Variants in ROCK2 observed in about 807,000 individuals in gnomAD.
ROCK2 encodes rho-associated protein kinase 2.
A neutral mutation model predicts 195.1 loss-of-function variants in ROCK2; 61 were observed. That is an observed-to-expected ratio of 0.31 (90% CI 0.25 to 0.39). ROCK2 has a LOEUF of 0.39. Among genes scored for constraint, ROCK2 ranks in the 10% least tolerant of loss-of-function variants. The pLI is 1.00. For missense variants in ROCK2, 1,109 were observed against 1,637.4 expected (o/e 0.68, Z 5.57); for synonymous variants, 504 against 545.5 (o/e 0.92, Z 1.06).
intron 3 of ROCK2, among the ~76,000 whole-genome samples, chr2:11,252,407 T>C (rs1032384676): frequency 1.4e-5 from 2 of 147,556 alleles, no homozygotes; most frequent in Non-Finnish European, 3.0e-5. Flanking sequence ...AAAAAAAAGA[T>C]CTAGAACCAG....
intron 23 of ROCK2, among the ~76,000 whole-genome samples, chr2:11,200,645 C>G (rs897887694): frequency 6.6e-6 from 1 of 151,834 alleles, no homozygotes; most frequent in Admixed American, 6.6e-5. Context: ...ATTTTTATTG[C>G]AATTTTTTCA....
rs1388769739 is a variant in ROCK2, at chr2:11,303,572, C to T, written c.142-15836G>A. On this transcript the variant is annotated intron_variant, in intron 1 of 32. Transcript: ENST00000315872. ...TCTCGCCGCCTTCTCTACTTGATTA[C>T]TGCCATTGGCATGGAAACATGTTGT... Among the ~76,000 whole-genome samples the T allele has an allele frequency of 2.6e-5, 4 of 152,290 alleles. No individual in the cohort carries two copies. In the South Asian group the frequency reaches 8.3e-4, roughly 32 times the overall value.
chr2:11,262,912 A>G (rs1209557057), intron 3 of ROCK2, among the ~76,000 whole-genome samples: 1 of 152,194 alleles, frequency 6.6e-6, no homozygotes, highest in South Asian at 2.1e-4. Context: ...TATTATTTTT[A>G]TAAGAAGATC....
chr2:11,194,788 T>A (rs1196851399), intron 28 of ROCK2, among the ~76,000 whole-genome samples, 167 bp downstream of exon 28: 4 of 140,756 alleles, frequency 2.8e-5, no homozygotes, highest in African/African-American at 5.0e-5. Context: ...AGGACAAAAA[T>A]TTTTTACAAA....
chr2:11,235,837 A>G lies in ROCK2; in HGVS notation c.588T>C (p.Ala196=). Residue 196 remains alanine, a synonymous_variant, in exon 5 of 33, where the codon GCT becomes GCC. Transcript: ENST00000315872. This position sits in a 1 kb window ranked among gnomAD's most constrained non-coding sequence, Gnocchi z 4.2. The stretch of plus-strand genomic sequence containing the variant: ...TTGCATCCAGAGCAAGAACAACTTC[A>G]GCAGTGTAAAATTTGGCCCATTTTT... The part of the protein sequence containing the change: ...VPEKWAKFYT[A]EVVLALDAIH... 6.2e-7 allele frequency: 1 copy of G among 1,614,066 alleles called. No homozygotes were observed.
At chr2:11,285,812 G>A (rs773923093) in intron 3 of ROCK2, among the ~76,000 whole-genome samples, 3 of 151,892 alleles carry the variant, frequency 2.0e-5, no homozygotes, top group Non-Finnish European at 2.9e-5. Flanking sequence ...CAGTGACAAA[G>A]CAAGACCCTG....
chr2:11,334,481 A>T (rs1236827880), intron 1 of ROCK2, among the ~76,000 whole-genome samples: 1 of 137,670 alleles, frequency 7.3e-6, no homozygotes, highest in African/African-American at 2.6e-5. Context: ...ACTGCACTCC[A>T]GGCTGGGCGA....
chr2:11,286,133 A>G (rs1376248542), intron 3 of ROCK2, among the ~76,000 whole-genome samples: 2 of 149,644 alleles, frequency 1.3e-5, no homozygotes, highest in Non-Finnish European at 1.5e-5. Context: ...TATAATTCCA[A>G]TTGGTACCAG....
At chr2:11,260,010 T>G (rs936558316) in intron 3 of ROCK2, among the ~76,000 whole-genome samples, 1 of 151,524 alleles carries the variant, frequency 6.6e-6, no homozygotes, top group Non-Finnish European at 1.5e-5. Context: ...AGGAATGAAT[T>G]ATCCTAGACT....
intron 20 of ROCK2, among the ~76,000 whole-genome samples, chr2:11,205,460 T>C (rs1339765908): frequency 6.6e-6 from 1 of 152,212 alleles, no homozygotes; most frequent in East Asian, 1.9e-4. Context: ...CTCATTCTTA[T>C]TTATTGTGGG....
chr2:11,322,913 A>G (rs1454720482), intron 1 of ROCK2, among the ~76,000 whole-genome samples: 3 of 152,162 alleles, frequency 2.0e-5, no homozygotes, highest in Admixed American at 6.5e-5. Context: ...TAAGTTCTTA[A>G]TCATTATCTC....
At chr2:11,241,336 T>C (rs1236138292) in intron 4 of ROCK2, among the ~76,000 whole-genome samples, 1 of 152,078 alleles carries the variant, frequency 6.6e-6, no homozygotes, top group African/African-American at 2.4e-5. Flanking sequence ...AGAGTATCAG[T>C]TACCTATGGG....
intron 3 of ROCK2, among the ~76,000 whole-genome samples, chr2:11,283,317 T>C (rs928160376): frequency 6.7e-6 from 1 of 149,034 alleles, no homozygotes; most frequent in African/African-American, 2.5e-5. Flanking sequence ...TCCCAGCACT[T>C]TGGGAGGCCG....
intron 3 of ROCK2, among the ~76,000 whole-genome samples, chr2:11,261,593 T>C (rs4669701): frequency 0.78 from 119,285 of 152,008 alleles, 48,675 homozygotes; most frequent in East Asian, 0.94. Context: ...CTGAGGCGGG[T>C]GGATCATGAG....
intron 5 of ROCK2, among the ~76,000 whole-genome samples, chr2:11,231,537 A>G (rs1019061786): frequency 2.6e-5 from 4 of 152,122 alleles, no homozygotes; most frequent in African/African-American, 9.7e-5. Flanking sequence ...ACTAACATAT[A>G]AAGTGGTCTT....
chr2:11,227,317 C>T lies in ROCK2; in HGVS notation c.805G>A (p.Gly269Ser), dbSNP rs772589940. Residue 269 changes from glycine (G) to serine (S), a missense_variant, in exon 6 of 33, where the codon GGT (glycine) becomes AGT (serine). Transcript: ENST00000315872. ...PEVLKSQGGDGFYGRECDWWS... is the reference protein window; with the variant it reads ...PEVLKSQGGDSFYGRECDWWS... ...CAATCACATTCTCGCCCATAGAAAC[C>T]ATCACCCCCTTGTGATTTCAGAACC... 9.3e-6 allele frequency: 15 copies of T among 1,613,894 alleles called. No individual in the cohort carries two copies. In the Middle Eastern group the frequency reaches 1.7e-3, roughly 178 times the overall value.
At chr2:11,215,165 T>C (rs974468977) in intron 15 of ROCK2, 79 bp from the exon 16 acceptor site, 9 of 1,539,844 alleles carry the variant, frequency 5.8e-6, no homozygotes, top group Non-Finnish European at 7.9e-6. Context: ...TATTCCCCCA[T>C]TAGAAACTAT....
Position 11,182,517 on chromosome 2 carries a change from AAT to A in ROCK2, c.*918_*919del. ...ACCATCCATTATTGTTTCTATAACC[AAT>A]AATACTTTAAAAACATTTGTTAATC... is the stretch of plus-strand genomic sequence containing the variant. On this transcript the variant is annotated 3_prime_UTR_variant, in exon 33 of 33. Coordinates refer to ENST00000315872, the MANE Select transcript of ROCK2 (RefSeq NM_004850.5). The A allele has an allele frequency of 6.6e-6, 1 of 152,392 alleles. No individual in the cohort carries two copies. Among genetic ancestry groups the A allele is most frequent in the Non-Finnish European group, 1.5e-5 (1 of 68,042 alleles). 9.4% of individuals were successfully genotyped at this position (152,392 alleles called of 1,614,324 possible). A position where few individuals can be genotyped will look rare whatever the true frequency, so the allele number is the denominator to read the frequency against.
Position 11,218,469 on chromosome 2 carries a change from A to G in ROCK2, c.1321-3T>C, listed in dbSNP as rs1664508435. 1.3e-6 allele frequency: 2 copies of G among 1,543,032 alleles called. No homozygotes were observed. The highest frequency in any genetic ancestry group is 1.4e-5 in the African/African-American group (1 of 72,754). ...CATCAACATACCTCTTGACTTTCCT[A>G]TTTAAAACAAAACAGAAAACACATT... On this transcript the variant is annotated splice_polypyrimidine_tract_variant and splice_region_variant and intron_variant, in intron 10 of 32. Coordinates refer to ENST00000315872, the MANE Select transcript of ROCK2 (RefSeq NM_004850.5).
Sources: allele counts gnomAD v4.1 joint callset (sites outside exome capture counted in the v4.1 genomes callset), GRCh38; gene constraint gnomAD v4.1.1; non-coding constraint Gnocchi (gnomAD v3.1); transcripts MANE v1.5; gene names NCBI Gene and HGNC (gene_info 2026-07-23, HGNC 2026-07-21).